EDEM3: variants seen among roughly 807,000 people sequenced by gnomAD.
EDEM3 encodes the protein ER degradation-enhancing alpha-mannosidase-like protein 3.
EDEM3 carries 60 observed loss-of-function variants against 110.2 expected under a neutral mutation model. The ratio of observed to expected loss-of-function variants is 0.54; its 90% CI spans 0.44 to 0.67. The LOEUF is 0.67. Among genes scored for constraint, EDEM3 ranks in the 30% least tolerant of loss-of-function variants. The pLI, the probability that EDEM3 is intolerant of heterozygous loss-of-function variation, is 0.00. For synonymous variants in EDEM3, 352 were observed against 382.9 expected (o/e 0.92, Z 0.94); for missense variants, 996 against 1,121.0 (o/e 0.89, Z 1.59).
intron 6 of EDEM3, among the ~76,000 whole-genome samples, chr1:184,728,752 G>A (rs1651334138): frequency 6.6e-6 from 1 of 152,130 alleles, no homozygotes; most frequent in African/African-American, 2.4e-5. Flanking sequence ...TGGAATTACA[G>A]GCACACACCA....
chr1:184,734,209 C>T (rs1030653104), intron 5 of EDEM3, among the ~76,000 whole-genome samples: 7 of 134,250 alleles, frequency 5.2e-5, no homozygotes, highest in African/African-American at 1.2e-4. Flanking sequence ...TGGCTCACGC[C>T]TGTAATCCCA....
In EDEM3 at chr1:184,723,811, G is replaced by T; in HGVS notation, c.793C>A (p.Arg265=). 1 of 1,582,868 alleles carries T rather than the reference G, an allele frequency of 6.3e-7. No individual in the cohort carries two copies. The highest frequency in any genetic ancestry group is 8.5e-7 in the Non-Finnish European group (1 of 1,169,942). The change falls in exon 8 of 20, where the codon CGA becomes AGA. Residue 265 remains arginine, a synonymous_variant. Transcript: ENST00000318130. The part of the protein sequence containing the change: ...ALDFLWEKRQ[R]SSNLVGVTIN... ...GTCACGCCCACTAAATTACTACTTC[G>T]CTGTCTTTTTTCCCAGAGAAAATCA...
At chr1:184,703,649 C>T (rs905794246) in intron 18 of EDEM3, among the ~76,000 whole-genome samples, 2 of 152,030 alleles carry the variant, frequency 1.3e-5, no homozygotes, top group Admixed American at 6.5e-5. Flanking sequence ...ACGACAATCA[C>T]GACCACCTCC....
intron 13 of EDEM3, among the ~76,000 whole-genome samples, 184 bp from the exon 14 acceptor site, chr1:184,712,782 G>C (rs538065149): frequency 3.2e-4 from 49 of 152,252 alleles, no homozygotes; most frequent in Non-Finnish European, 6.6e-4. Flanking sequence ...CTATGTTAAT[G>C]AAAAAGACCA....
chr1:184,750,040 C>T (rs570985173), intron 1 of EDEM3, among the ~76,000 whole-genome samples: 39 of 152,300 alleles, frequency 2.6e-4, no homozygotes, highest in Admixed American at 1.2e-3. Context: ...GAGAGAGGTA[C>T]ACAGGTGTGT....
chr1:184,716,601 C>T (rs1357437945), intron 13 of EDEM3, among the ~76,000 whole-genome samples: 8 of 152,112 alleles, frequency 5.3e-5, no homozygotes, highest in Non-Finnish European at 8.8e-5. Context: ...AAAAAAGCCA[C>T]ATTTTAGATA....
intron 6 of EDEM3, among the ~76,000 whole-genome samples, chr1:184,729,490 G>C (rs61022402): frequency 0.072 from 10,903 of 152,178 alleles, 454 homozygotes; most frequent in African/African-American, 0.12. Context: ...TTGAGGAAAT[G>C]GCATTACAAA....
chr1:184,710,559 A>C lies in EDEM3; in HGVS notation c.1692-12T>G, dbSNP rs376219287. 2 of 1,591,078 alleles carry C rather than the reference A, an allele frequency of 1.3e-6. No individual in the cohort carries two copies. Among genetic ancestry groups the C allele is most frequent in the Non-Finnish European group, 1.7e-6 (2 of 1,168,966 alleles). On this transcript the variant is annotated splice_polypyrimidine_tract_variant and intron_variant, in intron 15 of 19. Transcript: ENST00000318130. ...TGAAACTCTCCTCTCTGCTAAAAGT[A>C]ATTACAGGCAAGGCTTAAAAAACTA...
At chr1:184,725,320 T>C (rs561078984) in intron 7 of EDEM3, among the ~76,000 whole-genome samples, 54 of 152,310 alleles carry the variant, frequency 3.5e-4, no homozygotes, top group Admixed American at 3.5e-3. Context: ...AGGTCTGTCA[T>C]ACTCTTTGAG....
At chr1:184,726,946 C>A (rs1025636304) in intron 6 of EDEM3, among the ~76,000 whole-genome samples, 21 of 152,172 alleles carry the variant, frequency 1.4e-4, no homozygotes, top group African/African-American at 5.1e-4. Context: ...TGCTGGCAGG[C>A]TAACAACACA....
At chr1:184,738,330 G>C (rs1651946210) in intron 2 of EDEM3, among the ~76,000 whole-genome samples, 1 of 152,164 alleles carries the variant, frequency 6.6e-6, no homozygotes, top group Non-Finnish European at 1.5e-5. Flanking sequence ...AGTAAGCCTA[G>C]ATCACACATC....
Position 184,693,918 on chromosome 1 carries a change from C to G in EDEM3, c.*145G>C. On this transcript the variant is annotated 3_prime_UTR_variant, in exon 20 of 20. Coordinates refer to ENST00000318130, the MANE Select transcript of EDEM3 (RefSeq NM_025191.4). ...TAACACAGCATGCTCCAGATTCCTA[C>G]GATAACTACGCCAGTCAGAACGTGG... is the stretch of plus-strand genomic sequence containing the variant. The G allele has an allele frequency of 1.2e-6, 1 of 801,390 alleles. No individual in the cohort carries two copies. 49.6% of individuals were successfully genotyped at this position (801,390 alleles called of 1,614,324 possible).
At chr1:184,695,931 G>C (rs1287153585) in intron 19 of EDEM3, among the ~76,000 whole-genome samples, 1 of 151,928 alleles carries the variant, frequency 6.6e-6, no homozygotes, top group African/African-American at 2.4e-5. Flanking sequence ...TGAATGCTTG[G>C]AAAACTGAAA....
chr1:184,694,946 A>C lies in EDEM3; in HGVS notation c.2390-474T>G, dbSNP rs575536079. Reference sequence around the variant, plus strand: ...TGAAATTCCTACTCAGTAAGTCATAAAGAAGCAGATAACATAGATTTTTTT... The same window carrying C: ...TGAAATTCCTACTCAGTAAGTCATACAGAAGCAGATAACATAGATTTTTTT... On this transcript the variant is annotated intron_variant, in intron 19 of 19. Transcript: ENST00000318130. 3.3e-5 allele frequency among the ~76,000 whole-genome samples: 5 copies of C among 152,194 alleles called. No individual in the cohort carries two copies. In the South Asian group the frequency reaches 1.0e-3, roughly 32 times the overall value.
In EDEM3 at chr1:184,754,826, T is replaced by G. The variant is rs878959438; in HGVS notation, c.-180A>C. ...CCAAGCCGGTCCCCAGCGCCAGCGC[T>G]GCCACCGCCCTCCGCCCTCAGTATC... is the stretch of plus-strand genomic sequence containing the variant. On this transcript the variant is annotated 5_prime_UTR_variant, in exon 1 of 20. Coordinates refer to ENST00000318130, the MANE Select transcript of EDEM3 (RefSeq NM_025191.4). 2.9e-6 allele frequency: 3 copies of G among 1,030,348 alleles called. No individual in the cohort carries two copies. The highest frequency in any genetic ancestry group is 3.7e-5 in the South Asian group (2 of 54,362). The allele number at this position is 1,030,348 out of a possible 1,614,324, so 63.8% of individuals were successfully genotyped here.
At chr1:184,735,679 A>G (rs554962283) in intron 4 of EDEM3, among the ~76,000 whole-genome samples, 2 of 152,332 alleles carry the variant, frequency 1.3e-5, no homozygotes, top group South Asian at 4.1e-4. Flanking sequence ...TGACTAAAAC[A>G]TAACATGAAA....
intron 1 of EDEM3, among the ~76,000 whole-genome samples, chr1:184,753,123 G>A (rs1054536574): frequency 6.6e-6 from 1 of 151,992 alleles, no homozygotes; most frequent in Non-Finnish European, 1.5e-5. Context: ...AGTACATAAA[G>A]TAAGACCTGA....
chr1:184,737,700 G>T lies in EDEM3; in HGVS notation c.216C>A (p.Tyr72Ter). The T allele has an allele frequency of 2.5e-6, 4 of 1,613,482 alleles. No individual in the cohort carries two copies. The highest frequency in any genetic ancestry group is 3.4e-6 in the Non-Finnish European group (4 of 1,179,574). ...TTAAAGGCATGAGTTCATCAGCAGG[G>T]TAAGCATGTTCCTGCAAGGAAAACT... ...HAYGNYMEHA[Y>*]PADELMPLTC... is the part of the protein sequence containing the mutation. The change falls in exon 3 of 20, where the codon TAC becomes TAA. Residue 72 changes from tyrosine (Y) to a stop codon, truncating the protein, a stop_gained. Coordinates refer to ENST00000318130, the MANE Select transcript of EDEM3 (RefSeq NM_025191.4). LOFTEE classifies it high-confidence loss of function.
In EDEM3 at chr1:184,738,714, T is replaced by C. The variant is rs553101641; in HGVS notation, c.205-1003A>G. Among the ~76,000 whole-genome samples the C allele has an allele frequency of 2.0e-5, 3 of 152,338 alleles. No homozygotes were observed. In the East Asian group the frequency reaches 5.8e-4, roughly 29 times the overall value. ...ATGGTATCTAAAGATTCATTACTAA[T>C]AAGGATAAACATCTTTTTGTATTAT... On this transcript the variant is annotated intron_variant, in intron 2 of 19. Coordinates refer to ENST00000318130, the MANE Select transcript of EDEM3 (RefSeq NM_025191.4).
Sources: gnomAD v4.1 joint callset for allele counts (sites outside exome capture counted in the v4.1 genomes callset) on GRCh38, gnomAD v4.1.1 for gene constraint, MANE v1.5 for transcripts, NCBI Gene and HGNC (gene_info 2026-07-23, HGNC 2026-07-21) for gene names.